Variants in USH1C observed in about 807,000 individuals in gnomAD.
USH1C encodes harmonin.
Under a neutral mutation model 119.3 loss-of-function variants are expected in USH1C, and 90 were observed. That is an observed-to-expected ratio of 0.75 (90% confidence interval 0.64 to 0.90). The LOEUF (loss-of-function observed/expected upper bound fraction) is 0.90, where lower values mean the gene tolerates loss of function less well. USH1C is among the 40% of genes least tolerant of loss of function. The pLI, the probability that USH1C is intolerant of heterozygous loss-of-function variation, is 0.00. For missense variants in USH1C, 1,165 were observed against 1,167.7 expected (o/e 1.00, Z 0.03); for synonymous variants, 465 against 443.3 (o/e 1.05, Z -0.62).
At position 17,494,378 on chromosome 11, in the gene USH1C, T is replaced by A; in HGVS notation, c.2656-2A>T. 6.3e-7 allele frequency: 1 copy of A among 1,596,526 alleles called. No homozygotes were observed. The highest frequency in any genetic ancestry group is 1.1e-5 in the South Asian group (1 of 87,884). On this transcript the variant is annotated splice_acceptor_variant, in intron 26 of 26. Transcript: ENST00000005226. LOFTEE classifies it high-confidence loss of function. ...CCTTTTGGACTTCAGAAGAAGGTCCTGCAGGGAAGTGGAAACAGCCCAGGT... is the reference window on the plus strand; with the variant it reads ...CCTTTTGGACTTCAGAAGAAGGTCCAGCAGGGAAGTGGAAACAGCCCAGGT...
chr11:17,537,566 T>C (rs1457950299), intron 1 of USH1C, among the ~76,000 whole-genome samples: 1 of 152,216 alleles, frequency 6.6e-6, no homozygotes, highest in African/African-American at 2.4e-5. Context: ...ACATATATTC[T>C]GGGTCTGCCT....
intron 15 of USH1C, among the ~76,000 whole-genome samples, chr11:17,515,834 C>A (rs781698902): frequency 1.3e-5 from 2 of 152,220 alleles, no homozygotes; most frequent in Non-Finnish European, 2.9e-5. Flanking sequence ...AGCCAGGCTG[C>A]GTCTGGCACA....
chr11:17,523,225 T>C lies in USH1C; in HGVS notation c.862A>G (p.Ile288Val), dbSNP rs1565051714. The change falls in exon 11 of 27, where the codon ATT (isoleucine) becomes GTT (valine). Residue 288 changes from isoleucine to valine, a missense_variant. Ile to Val is a conservative substitution (Grantham distance 29). Transcript: ENST00000005226. ...TCTGGACTTACAGCTGCAGCTACAA[T>C]GGAGATGGTCAGGCTGCGGCTACTC... ...LKSSRSLTIS[I>V]VAAAGRELFM... The C allele has an allele frequency of 1.2e-6, 2 of 1,614,020 alleles. No individual in the cohort carries two copies. Among genetic ancestry groups the C allele is most frequent in the South Asian group, 1.1e-5 (1 of 91,082 alleles).
chr11:17,527,479 C>T, intron 4 of USH1C, 148 bp from the exon 5 acceptor site: 1 of 706,630 alleles, frequency 1.4e-6, no homozygotes, highest in Admixed American at 2.2e-5. Flanking sequence ...CTCAACCAAC[C>T]CACCCTCCAT....
At chr11:17,514,710 C>A (rs1850055618) in intron 15 of USH1C, 1 of 151,988 alleles carries the variant, frequency 6.6e-6, no homozygotes, top group Non-Finnish European at 1.5e-5. Flanking sequence ...ACATCCATGG[C>A]CTGTCAGTTA....
intron 18 of USH1C, among the ~76,000 whole-genome samples, chr11:17,507,817 C>T (rs1321608948): frequency 6.6e-6 from 1 of 152,192 alleles, no homozygotes; most frequent in African/African-American, 2.4e-5. Context: ...TGCCCTTGCT[C>T]CCATCCTCCA....
chr11:17,501,548 A>G lies in USH1C; in HGVS notation c.2227-13T>C, dbSNP rs566698194. 1.2e-4 allele frequency: 188 copies of G among 1,610,388 alleles called. 2 individuals are homozygous for G. In the South Asian group the frequency reaches 2.1e-3, roughly 18 times the overall value. ...GCTCTGGGGTGAACTAGAGAGAAAA[A>G]GACAGTGGGAAGCTTTGAGCTGGCC... On this transcript the variant is annotated splice_polypyrimidine_tract_variant and intron_variant, in intron 21 of 26. Transcript: ENST00000005226.
intron 23 of USH1C, 99 bp from the exon 24 acceptor site, chr11:17,498,370 A>G: frequency 2.7e-6 from 3 of 1,119,362 alleles, no homozygotes; most frequent in Non-Finnish European, 4.1e-6. Flanking sequence ...AGCAGAAGAG[A>G]CCTGAGCCTG....
chr11:17,531,587 A>T lies in USH1C; in HGVS notation c.105-45T>A. The T allele has an allele frequency of 6.2e-7, 1 of 1,607,066 alleles. No individual in the cohort carries two copies. The highest frequency in any genetic ancestry group is 8.5e-7 in the Non-Finnish European group (1 of 1,178,978). On this transcript the variant is annotated intron_variant, in intron 2 of 26. Transcript: ENST00000005226. The surrounding 1 kb of genome is among the most constrained non-coding windows in gnomAD (Gnocchi z 4.2). ...GCCTGGAGCCTCACCCCTGGCCATG[A>T]CCTCAGGCACCCAGGGATTCCAAGA...
At chr11:17,524,589 T>C in intron 8 of USH1C, 54 bp from the exon 9 acceptor site, 1 of 1,543,284 alleles carries the variant, frequency 6.5e-7, no homozygotes, top group South Asian at 1.2e-5. Flanking sequence ...TGTCCAGTGC[T>C]CAGGATACAG....
rs34581703 is a variant in USH1C, at chr11:17,496,805, G to T, written c.2499C>A (p.Ile833=). The stretch of plus-strand genomic sequence containing the variant: ...GGGGGCAGACGGCAACCACAAGGTC[G>T]ATCCAGTCCTGTGGGGAGAAGCCGT... ...QKAWNQGGDW[I]DLVVAVCPPK... The change falls in exon 25 of 27, where the codon ATC becomes ATA. Residue 833 remains isoleucine (I), a synonymous_variant. Coordinates refer to ENST00000005226, the MANE Select transcript of USH1C (RefSeq NM_153676.4). 2 of 1,614,136 alleles carry T rather than the reference G, an allele frequency of 1.2e-6. No individual in the cohort carries two copies. Among genetic ancestry groups the T allele is most frequent in the Admixed American group, 3.3e-5 (2 of 60,030 alleles).
intron 23 of USH1C, among the ~76,000 whole-genome samples, chr11:17,500,162 G>C (rs1849382873): frequency 1.3e-5 from 2 of 152,220 alleles, no homozygotes; most frequent in Admixed American, 6.5e-5. Flanking sequence ...TGTTTTTGTA[G>C]ATAAGGGGAT....
At chr11:17,518,906 C>T (rs927611282) in intron 14 of USH1C, among the ~76,000 whole-genome samples, 21 of 152,098 alleles carry the variant, frequency 1.4e-4, no homozygotes, top group Non-Finnish European at 2.6e-4. Flanking sequence ...GTAGTCCCAG[C>T]TACTCGGGAG....
chr11:17,503,986 C>A (rs529074696), intron 20 of USH1C, among the ~76,000 whole-genome samples: 1 of 152,164 alleles, frequency 6.6e-6, no homozygotes, highest in Non-Finnish European at 1.5e-5. Context: ...GCTGGAGAAG[C>A]CTGGGCTGGC....
At chr11:17,519,036 A>T (rs1212786842) in intron 14 of USH1C, among the ~76,000 whole-genome samples, 1 of 150,378 alleles carries the variant, frequency 6.6e-6, no homozygotes, top group East Asian at 1.9e-4. Context: ...AAAAAAAAAA[A>T]GCAGGGCCCA....
chr11:17,496,240 A>G (rs1849245636), intron 25 of USH1C, among the ~76,000 whole-genome samples: 1 of 152,182 alleles, frequency 6.6e-6, no homozygotes, highest in African/African-American at 2.4e-5. Flanking sequence ...AGGACACAAG[A>G]GACAGACACA....
At chr11:17,498,053 C>T in intron 24 of USH1C, 109 bp downstream of exon 24, 1 of 956,714 alleles carries the variant, frequency 1.0e-6, no homozygotes. Context: ...TGCCTGGACT[C>T]CAGATGCCCA....
chr11:17,519,312 C>A (rs1050643446), intron 14 of USH1C, among the ~76,000 whole-genome samples: 2 of 152,190 alleles, frequency 1.3e-5, no homozygotes, highest in Admixed American at 1.3e-4. Flanking sequence ...CCCAGCTCAG[C>A]GGGCAGGCGG....
Position 17,495,688 on chromosome 11 carries a change from A to G in USH1C, c.2547-11T>C, listed in dbSNP as rs10832795. ...GAGGGAAGAGAAGCTCTATATATAC[A>G]GAGCAGAGCAAGAAACACAAAACAG... On this transcript the variant is annotated splice_polypyrimidine_tract_variant and intron_variant, in intron 25 of 26. Transcript: ENST00000005226. 657,502 of 1,613,404 alleles carry G rather than the reference A, an allele frequency of 0.41. 136,610 individuals carry two copies. Among genetic ancestry groups the G allele is most frequent in the Admixed American group, 0.48 (28,997 of 60,006 alleles).
Sources: allele counts gnomAD v4.1 joint callset (sites outside exome capture counted in the v4.1 genomes callset), GRCh38; gene constraint gnomAD v4.1.1; non-coding constraint Gnocchi (gnomAD v3.1); transcripts MANE v1.5; gene names NCBI Gene and HGNC (gene_info 2026-07-23, HGNC 2026-07-21).